ASB2: variants seen among roughly 807,000 people sequenced by gnomAD.
ASB2 encodes ankyrin repeat and SOCS box protein 2.
In ASB2, 58 loss-of-function variants were observed where a neutral mutation model predicts 62.4. The ratio of observed to expected loss-of-function variants is 0.93; its 90% CI spans 0.75 to 1.16. The LOEUF (loss-of-function observed/expected upper bound fraction) is 1.16. ASB2 is among the 50% of genes most tolerant of loss of function. The pLI is 0.00. For missense variants in ASB2, 928 were observed against 887.9 expected (o/e 1.05, Z -0.57); for synonymous variants, 386 against 385.3 (o/e 1.00, Z -0.02).
chr14:93,961,657 A>G (rs7160106), intron 2 of ASB2, among the ~76,000 whole-genome samples: 1 of 152,018 alleles, frequency 6.6e-6, no homozygotes, highest in Non-Finnish European at 1.5e-5. Context: ...GCCTGGGGAC[A>G]AGGGTGACAT....
In ASB2 at chr14:93,939,584, G is replaced by T. The variant is rs892349481; in HGVS notation, c.1141C>A (p.His381Asn). The T allele has an allele frequency of 5.7e-6, 9 of 1,577,204 alleles. No homozygotes were observed. Among genetic ancestry groups the T allele is most frequent in the South Asian group, 1.1e-5 (1 of 88,184 alleles). Residue 381 changes from histidine (H) to asparagine (N), a missense_variant, in exon 8 of 10, where the codon CAC becomes AAC. Coordinates refer to ENST00000555019, the MANE Select transcript of ASB2 (RefSeq NM_001202429.2). The stretch of plus-strand genomic sequence containing the variant: ...AGCAGCGCCTCCAGCACCTCGTCGT[G>T]GTTGCGCTCGGCCGCCAGGTGCAGC... ...SPLHLAAERNHDEVLEALLSA... is the reference protein window; with the variant it reads ...SPLHLAAERNNDEVLEALLSA...
intron 7 of ASB2, chr14:93,942,235 C>T (rs998919692): frequency 1.3e-5 from 6 of 455,950 alleles, no homozygotes; most frequent in African/African-American, 2.0e-5. Flanking sequence ...ATTGCTCAAG[C>T]GGCACCTCAT....
chr14:93,955,930 A>C (rs1889178522), intron 3 of ASB2, among the ~76,000 whole-genome samples: 1 of 152,186 alleles, frequency 6.6e-6, no homozygotes, highest in Non-Finnish European at 1.5e-5. Flanking sequence ...AGCTGAGACC[A>C]GCTCTGGGTC....
chr14:93,970,030 A>C (rs765007053), intron 1 of ASB2: 1 of 152,334 alleles, frequency 6.6e-6, no homozygotes, highest in Admixed American at 6.5e-5. Flanking sequence ...CCAAAATTGC[A>C]TTTAAAAAGT....
In ASB2 at chr14:93,937,763, A is replaced by G. The variant is rs533852407; in HGVS notation, c.1706T>C (p.Leu569Pro). The change falls in exon 9 of 10, where the codon CTC (leucine) becomes CCC (proline). Residue 569 changes from leucine (L) to proline (P), a missense_variant. Transcript: ENST00000555019. ...GATGTGTTCCTTCAGCCGCGAGCAG[A>G]GCTGCACGTTGCCCACGTAGTCCAG... Reference protein sequence around the residue: ...VLLDYVGNVQLCSRLKEHIDS... With the variant: ...VLLDYVGNVQPCSRLKEHIDS... The G allele has an allele frequency of 1.2e-6, 2 of 1,613,500 alleles. No homozygotes were observed. The highest frequency in any genetic ancestry group is 1.7e-6 in the Non-Finnish European group (2 of 1,179,440).
chr14:93,954,116 G>T (rs1465871403), intron 4 of ASB2: 2 of 591,540 alleles, frequency 3.4e-6, no homozygotes, highest in East Asian at 5.6e-5. Flanking sequence ...TGTCCTTGGA[G>T]GCCTGGAGAG....
At chr14:93,937,558 T>C in intron 9 of ASB2, 140 bp downstream of exon 9, 1 of 849,080 alleles carries the variant, frequency 1.2e-6, no homozygotes, top group Non-Finnish European at 1.7e-6. Context: ...GGCAGATTCC[T>C]CATGTTTCAT....
At chr14:93,957,824 A>G (rs1444724519) in intron 2 of ASB2, among the ~76,000 whole-genome samples, 1 of 152,132 alleles carries the variant, frequency 6.6e-6, no homozygotes, top group African/African-American at 2.4e-5. Context: ...AGAACAGGGT[A>G]TATGGCCCCT....
At chr14:93,972,105 G>T (rs1317165543) in intron 1 of ASB2, among the ~76,000 whole-genome samples, 1 of 150,414 alleles carries the variant, frequency 6.6e-6, no homozygotes, top group African/African-American at 2.4e-5. Context: ...TACTCCAAAA[G>T]CTTCAAGGTC....
chr14:93,961,371 T>C (rs147891748), intron 2 of ASB2, among the ~76,000 whole-genome samples: 43 of 152,370 alleles, frequency 2.8e-4, no homozygotes, highest in African/African-American at 1.0e-3. Context: ...TGCCTTTCCA[T>C]CTATTCCTTT....
chr14:93,937,578 TAC>T lies in ASB2; in HGVS notation c.1771+118_1771+119del, dbSNP rs1270738665. The T allele has an allele frequency of 3.5e-5, 36 of 1,040,806 alleles. No homozygotes were observed. In the East Asian group the frequency reaches 9.2e-4, roughly 27 times the overall value. The allele number at this position is 1,040,806 out of a possible 1,614,324, so 64.5% of individuals were successfully genotyped here. On this transcript the variant is annotated intron_variant, in intron 9 of 9. Coordinates refer to ENST00000555019, the MANE Select transcript of ASB2 (RefSeq NM_001202429.2). ...ATTCCTCATGTTTCATCCAAGGAGT[TAC>T]AGAGCCTGGCAAGCAGCAGGTGCTC...
At chr14:93,939,920 C>T (rs890515122) in intron 7 of ASB2, 1 of 431,086 alleles carries the variant, frequency 2.3e-6, no homozygotes, top group African/African-American at 2.1e-5. Context: ...CAGCCACCCT[C>T]CCAAAGTCAC....
Position 93,934,266 on chromosome 14 carries a change from G to A in ASB2, c.*390C>T, listed in dbSNP as rs1237912677. On this transcript the variant is annotated 3_prime_UTR_variant, in exon 10 of 10. Transcript: ENST00000555019. ...GGGCCACGTCTTCATCTTAGTCTTT[G>A]GAGAGAAAGCTCTGAAGTCAAGTGG... 1.5e-5 allele frequency: 7 copies of A among 458,758 alleles called. No homozygotes were observed. In the East Asian group the frequency reaches 4.8e-4, roughly 31 times the overall value. The allele number at this position is 458,758 out of a possible 1,614,324, so 28.4% of individuals were successfully genotyped here.
chr14:93,946,176 C>T (rs1888713565), intron 7 of ASB2, among the ~76,000 whole-genome samples: 1 of 152,204 alleles, frequency 6.6e-6, no homozygotes, highest in African/African-American at 2.4e-5. Context: ...GGTTTAAGTC[C>T]TAGCCCTGGG....
At chr14:93,944,256 A>G (rs1888640628) in intron 7 of ASB2, 1 of 214,178 alleles carries the variant, frequency 4.7e-6, no homozygotes, top group Non-Finnish European at 9.7e-6. Context: ...GTTTCTTAAT[A>G]CGTCTATCTT....
At chr14:93,957,256 C>A in intron 2 of ASB2, 4 of 1,177,798 alleles carry the variant, frequency 3.4e-6, no homozygotes, top group Non-Finnish European at 4.2e-6. Context: ...CTCAGGCTCA[C>A]TGCTGGCCAG....
Position 93,954,284 on chromosome 14 carries a change from C to T in ASB2, c.478+33G>A, listed in dbSNP as rs758757217. 2.9e-5 allele frequency: 46 copies of T among 1,593,892 alleles called. No individual in the cohort carries two copies. The South Asian group carries it at 4.7e-4, about 16-fold the overall frequency. ...GCAGCCCTTCCCCTAGTCCCTTTCCCACCTCTTGCCACCGTCAGAGCCCAG... is the reference window on the plus strand; with the variant it reads ...GCAGCCCTTCCCCTAGTCCCTTTCCTACCTCTTGCCACCGTCAGAGCCCAG... On this transcript the variant is annotated intron_variant, in intron 4 of 9. Transcript: ENST00000555019.
At chr14:93,965,529 A>G (rs770786249) in intron 1 of ASB2, among the ~76,000 whole-genome samples, 5 of 152,122 alleles carry the variant, frequency 3.3e-5, no homozygotes, top group Non-Finnish European at 7.4e-5. Flanking sequence ...AGAGTAATAG[A>G]CTCCAGTTGG....
At chr14:93,960,761 T>A (rs930027182) in intron 2 of ASB2, among the ~76,000 whole-genome samples, 6 of 152,174 alleles carry the variant, frequency 3.9e-5, no homozygotes, top group Non-Finnish European at 7.4e-5. Context: ...TTTAACAGAA[T>A]TCTGTTTTCT....
Sources: allele counts gnomAD v4.1 joint callset (sites outside exome capture counted in the v4.1 genomes callset), GRCh38; gene constraint gnomAD v4.1.1; transcripts MANE v1.5; gene names NCBI Gene and HGNC (gene_info 2026-07-23, HGNC 2026-07-21).